Variants in ABTB2 observed in about 807,000 individuals in gnomAD.
ABTB2 encodes ankyrin repeat and BTB domain containing 2, also known as ankyrin repeat and BTB/POZ domain-containing protein 2.
A neutral mutation model predicts 104.1 loss-of-function variants in ABTB2; 56 were observed. That is an observed-to-expected ratio of 0.54 (90% CI 0.43 to 0.67). The LOEUF is 0.67. Among genes scored for constraint, ABTB2 ranks in the 30% least tolerant of loss-of-function variants. The pLI, the probability that ABTB2 is intolerant of heterozygous loss-of-function variation, is 0.00. For missense variants in ABTB2, 1,279 were observed against 1,407.7 expected (o/e 0.91, Z 1.46); for synonymous variants, 606 against 608.2 (o/e 1.00, Z 0.05).
At chr11:34,340,681 G>A (rs1296003524) in intron 1 of ABTB2, among the ~76,000 whole-genome samples, 1 of 152,152 alleles carries the variant, frequency 6.6e-6, no homozygotes, top group African/African-American at 2.4e-5. Flanking sequence ...CAGGTCATGT[G>A]AAGCACTAAA....
In ABTB2 at chr11:34,273,121, G is replaced by A. The variant is rs556929570; in HGVS notation, c.884-68431C>T. On this transcript the variant is annotated intron_variant, in intron 1 of 16. Transcript: ENST00000435224. The stretch of plus-strand genomic sequence containing the variant: ...TTAAAAAAATTTTTTTAAATTTTTT[G>A]TTATAATTATGTTTACTATTTTTAC... 3.2e-4 allele frequency among the ~76,000 whole-genome samples: 48 copies of A among 152,082 alleles called. No individual in the cohort carries two copies. The South Asian group carries it at 9.3e-3, about 30-fold the overall frequency.
intron 1 of ABTB2, among the ~76,000 whole-genome samples, chr11:34,240,974 GGCT>G: frequency 6.6e-6 from 1 of 152,098 alleles, no homozygotes; most frequent in South Asian, 2.1e-4. Flanking sequence ...CTGAGAGAAG[GGCT>G]GAACTCTTCA....
chr11:34,255,601 G>GTTCAAC (rs1047770074), intron 1 of ABTB2, among the ~76,000 whole-genome samples: 3 of 151,856 alleles, frequency 2.0e-5, no homozygotes, highest in African/African-American at 7.3e-5. Flanking sequence ...TTCAACTCAA[G>GTTCAAC]TTCAACTTCA....
rs1381406896 is a variant in ABTB2, at chr11:34,170,906, C to T, written c.1563G>A (p.Gln521=). The T allele has an allele frequency of 6.2e-7, 1 of 1,613,168 alleles. No homozygotes were observed. The highest frequency in any genetic ancestry group is 8.5e-7 in the Non-Finnish European group (1 of 1,179,588). The change falls in exon 5 of 17, where the codon CAG becomes CAA. Residue 521 remains glutamine, a splice_region_variant and synonymous_variant. Coordinates refer to ENST00000435224, the MANE Select transcript of ABTB2 (RefSeq NM_145804.3). ...TCTTTGTGGAGCTCTCAGGACGTAC[C>T]TGGTCATCCATGGTGTTAACCCCAT... ...GPDGVNTMDD[Q]GMTPLMYACA...
In ABTB2 at chr11:34,357,104, G is replaced by C. The variant is rs950838958; in HGVS notation, c.480C>G (p.Ser160Arg). Reference sequence around the variant, plus strand: ...CCCAGCTGTGCACCAGGCGCACGGCGCTCTGCACCTCAAAGCGGGTGCACT... The same window carrying C: ...CCCAGCTGTGCACCAGGCGCACGGCCCTCTGCACCTCAAAGCGGGTGCACT... ...HAKCTRFEVQ[S>R]AVRLVHSWAL... Residue 160 changes from serine (S) to arginine (R), a missense_variant, in exon 1 of 17, where the codon AGC (serine) becomes AGG (arginine). Physicochemically the swap from Ser to Arg is moderately radical, Grantham distance 110 (BLOSUM62 -1). Transcript: ENST00000435224. 5.3e-6 allele frequency: 8 copies of C among 1,516,262 alleles called. No homozygotes were observed. The highest frequency in any genetic ancestry group is 6.2e-6 in the Non-Finnish European group (7 of 1,137,040). The allele number at this position is 1,516,262 out of a possible 1,614,324, so 93.9% of individuals were successfully genotyped here.
intron 1 of ABTB2, among the ~76,000 whole-genome samples, chr11:34,248,600 G>A (rs938354433): frequency 6.6e-6 from 1 of 152,206 alleles, no homozygotes; most frequent in Non-Finnish European, 1.5e-5. Flanking sequence ...TGCCTTCAGA[G>A]GAAAACCAAA....
intron 1 of ABTB2, among the ~76,000 whole-genome samples, chr11:34,246,840 C>CTTTTTTTT (rs1590228950): frequency 7.8e-6 from 1 of 127,394 alleles, no homozygotes; most frequent in Non-Finnish European, 1.6e-5. Flanking sequence ...TTCTTTTTTT[C>CTTTTTTTT]TTTTTTCTTT....
At chr11:34,250,475 C>T (rs1346145672) in intron 1 of ABTB2, among the ~76,000 whole-genome samples, 1 of 152,186 alleles carries the variant, frequency 6.6e-6, no homozygotes, top group Non-Finnish European at 1.5e-5. Context: ...CTTAGTTTCT[C>T]ATGGGAGAAA....
At chr11:34,260,743 G>C (rs1396092681) in intron 1 of ABTB2, among the ~76,000 whole-genome samples, 1 of 152,168 alleles carries the variant, frequency 6.6e-6, no homozygotes, top group Non-Finnish European at 1.5e-5. Flanking sequence ...TGGAGACTAA[G>C]TGTCCTGCCC....
chr11:34,188,581 A>AGATAAAATCTG (rs1853132983), intron 3 of ABTB2, among the ~76,000 whole-genome samples: 4 of 152,188 alleles, frequency 2.6e-5, no homozygotes, highest in Non-Finnish European at 5.9e-5. Context: ...TTCTTATTTC[A>AGATAAAATCTG]TTTACTTCCA....
chr11:34,334,833 C>G (rs566064964), intron 1 of ABTB2, among the ~76,000 whole-genome samples: 17 of 151,820 alleles, frequency 1.1e-4, no homozygotes, highest in African/African-American at 4.1e-4. Flanking sequence ...AAAACTGAGG[C>G]CTTTTTCCAA....
chr11:34,183,988 A>G (rs568661324), intron 3 of ABTB2, among the ~76,000 whole-genome samples: 1 of 152,134 alleles, frequency 6.6e-6, no homozygotes, highest in African/African-American at 2.4e-5. Flanking sequence ...ATCAAGGGTC[A>G]CTGCAGCCTC....
At position 34,316,558 on chromosome 11, in the gene ABTB2, C is replaced by T. The variant is rs146743625; in HGVS notation, c.883+40143G>A. ...GGCTTGTCAGTGACCGAGTGGCAAA[C>T]GTGTTTGTCGCAAATATTTCATCAT... On this transcript the variant is annotated intron_variant, in intron 1 of 16. Coordinates refer to ENST00000435224, the MANE Select transcript of ABTB2 (RefSeq NM_145804.3). 1.5e-3 allele frequency among the ~76,000 whole-genome samples: 221 copies of T among 152,228 alleles called. 3 individuals are homozygous for T. The East Asian group carries it at 0.023, about 16-fold the overall frequency.
intron 1 of ABTB2, among the ~76,000 whole-genome samples, chr11:34,250,809 G>T (rs963610174): frequency 6.6e-6 from 1 of 152,206 alleles, no homozygotes; most frequent in African/African-American, 2.4e-5. Flanking sequence ...ATCCTACCAG[G>T]TGTGTAAGGC....
rs1232537013 is a variant in ABTB2 at position 34,189,444 on chromosome 11, T to TA, written c.1244+7880dup. 1.4e-4 allele frequency among the ~76,000 whole-genome samples: 21 copies of TA among 151,984 alleles called. No individual in the cohort carries two copies. The South Asian group carries it at 3.3e-3, about 24-fold the overall frequency. On this transcript the variant is annotated intron_variant, in intron 3 of 16. Transcript: ENST00000435224. ...GGCGAAACCCCATTTCTACAAAAAA[T>TA]AAAAAAATTAGCCAGGCATGGCAGA...
chr11:34,340,043 C>CCAAACAAACAAA (rs60959261), intron 1 of ABTB2, among the ~76,000 whole-genome samples: 2,162 of 149,528 alleles, frequency 0.014, 37 homozygotes, highest in African/African-American at 0.034. Flanking sequence ...CCACCATCCT[C>CCAAACAAACAAA]CAAACAAACA....
chr11:34,346,601 C>G (rs758882286), intron 1 of ABTB2, among the ~76,000 whole-genome samples: 12 of 152,186 alleles, frequency 7.9e-5, no homozygotes, highest in Non-Finnish European at 1.8e-4. Context: ...CCCAAGGATA[C>G]TAATTACAGC....
intron 1 of ABTB2, among the ~76,000 whole-genome samples, chr11:34,331,080 G>A (rs1855124221): frequency 6.6e-6 from 1 of 152,152 alleles, no homozygotes; most frequent in Non-Finnish European, 1.5e-5. Context: ...CATAAAACGA[G>A]GGAGTTCTGG....
At chr11:34,159,039 G>T (rs1053243309) in intron 14 of ABTB2, among the ~76,000 whole-genome samples, 1 of 152,206 alleles carries the variant, frequency 6.6e-6, no homozygotes, top group African/African-American at 2.4e-5. Context: ...GTCCTTGCAC[G>T]TCTGTCTGCA....
Sources: allele counts gnomAD v4.1 joint callset (sites outside exome capture counted in the v4.1 genomes callset), GRCh38; gene constraint gnomAD v4.1.1; transcripts MANE v1.5; gene names NCBI Gene and HGNC (gene_info 2026-07-23, HGNC 2026-07-21).